PHACTR3: variants seen among roughly 807,000 people sequenced by gnomAD.
PHACTR3 encodes protein phosphatase 1, regulatory subunit 123.
PHACTR3 carries 16 observed loss-of-function variants against 66.8 expected under a neutral mutation model. That is an observed-to-expected ratio of 0.24 (90% CI 0.16 to 0.36). The LOEUF (loss-of-function observed/expected upper bound fraction) is 0.36. Among genes scored for constraint, PHACTR3 ranks in the 10% least tolerant of loss-of-function variants. The probability of loss-of-function intolerance (pLI) is 1.00; values close to 1 mark genes in which losing one functional copy is unlikely to be tolerated. For synonymous variants in PHACTR3, 323 were observed against 292.1 expected, an observed-to-expected ratio of 1.11 and a Z score of -1.08; for missense variants, 647 against 719.9, an observed-to-expected ratio of 0.90 and a Z score of 1.16.
At chr20:59,786,287 GC>G (rs2040911610) in intron 7 of PHACTR3, among the ~76,000 whole-genome samples, 1 of 152,246 alleles carries the variant, frequency 6.6e-6, no homozygotes, top group African/African-American at 2.4e-5. Flanking sequence ...AGTCTGTGGG[GC>G]TGGCACCTGC....
intron 1 of PHACTR3, among the ~76,000 whole-genome samples, chr20:59,657,257 TTGTGTGTG>T (rs112043545): frequency 1.2e-4 from 18 of 150,102 alleles, no homozygotes; most frequent in Admixed American, 3.3e-4. Context: ...TAGAAGTGTG[TTGTGTGTG>T]TGTGTGTGTG....
chr20:59,723,102 CTTT>C (rs2038404545), intron 1 of PHACTR3, among the ~76,000 whole-genome samples: 2 of 135,630 alleles, frequency 1.5e-5, no homozygotes, highest in Non-Finnish European at 3.2e-5. Flanking sequence ...TTCTTTCTTT[CTTT>C]CTTTCTTTCT....
chr20:59,606,303 T>TCCCC (rs5842274), intron 1 of PHACTR3, among the ~76,000 whole-genome samples: 1 of 151,034 alleles, frequency 6.6e-6, no homozygotes, highest in Admixed American at 6.6e-5. Context: ...ACTGGATCCC[T>TCCCC]CCCCCCCCCA....
chr20:59,641,490 A>T (rs1380319005), intron 1 of PHACTR3, among the ~76,000 whole-genome samples: 2 of 152,218 alleles, frequency 1.3e-5, no homozygotes, highest in African/African-American at 4.8e-5. Flanking sequence ...TCGAAGACAG[A>T]TAGAGAGAAT....
chr20:59,712,554 G>C (rs1031038573), intron 1 of PHACTR3, among the ~76,000 whole-genome samples: 1 of 152,050 alleles, frequency 6.6e-6, no homozygotes, highest in East Asian at 1.9e-4. Context: ...TAACTCTTCA[G>C]CTCACTGTGA....
At chr20:59,657,327 G>A (rs533477052) in intron 1 of PHACTR3, among the ~76,000 whole-genome samples, 113 of 151,900 alleles carry the variant, frequency 7.4e-4, no homozygotes, top group African/African-American at 2.6e-3. Context: ...TCAGTGAACA[G>A]AATAAAGCAG....
intron 8 of PHACTR3, chr20:59,836,236 A>C: frequency 2.4e-6 from 1 of 421,196 alleles, no homozygotes. Flanking sequence ...TTTGGGCGAC[A>C]GATCAGAAAA....
At chr20:59,618,328 T>A (rs2034108471) in intron 1 of PHACTR3, among the ~76,000 whole-genome samples, 1 of 151,066 alleles carries the variant, frequency 6.6e-6, no homozygotes, top group African/African-American at 2.4e-5. Context: ...GGGATGTGAG[T>A]GTGTGTGTGC....
At chr20:59,651,507 T>G (rs917416119) in intron 1 of PHACTR3, among the ~76,000 whole-genome samples, 1 of 152,182 alleles carries the variant, frequency 6.6e-6, no homozygotes. Flanking sequence ...TTTAGCAAAA[T>G]TACATAAATA....
chr20:59,635,153 C>CTTTCTT (rs1568948906), intron 1 of PHACTR3, among the ~76,000 whole-genome samples: 1,959 of 36,036 alleles, frequency 0.054, 29 homozygotes, highest in East Asian at 0.088. Context: ...CTTTCTTTTT[C>CTTTCTT]TTTCTTTCTT....
intron 8 of PHACTR3, among the ~76,000 whole-genome samples, chr20:59,813,085 G>A (rs1211928294): frequency 6.6e-6 from 1 of 152,190 alleles, no homozygotes; most frequent in African/African-American, 2.4e-5. Context: ...TTGTGTTAAT[G>A]AGGTGGTTAT....
At chr20:59,579,420 G>A (rs538644364) in intron 1 of PHACTR3, among the ~76,000 whole-genome samples, 2 of 152,340 alleles carry the variant, frequency 1.3e-5, no homozygotes, top group African/African-American at 4.8e-5. Flanking sequence ...TGATCTAGAT[G>A]CTGGGATGCT....
chr20:59,592,609 G>A (rs2033216709), intron 1 of PHACTR3, among the ~76,000 whole-genome samples: 1 of 152,124 alleles, frequency 6.6e-6, no homozygotes, highest in South Asian at 2.1e-4. Context: ...GTATCATACA[G>A]ATACTGCCCT....
chr20:59,802,738 GC>G (rs2041452439), intron 7 of PHACTR3, among the ~76,000 whole-genome samples: 1 of 152,214 alleles, frequency 6.6e-6, no homozygotes. Context: ...TTCCTCCTAA[GC>G]CCTGTCAGTT....
chr20:59,809,266 T>TA (rs2041663549), intron 8 of PHACTR3, among the ~76,000 whole-genome samples: 1 of 152,062 alleles, frequency 6.6e-6, no homozygotes, highest in African/African-American at 2.4e-5. Context: ...TTCCAGGTGT[T>TA]ACAGAGTTGT....
At chr20:59,597,848 G>A (rs1207980968) in intron 1 of PHACTR3, among the ~76,000 whole-genome samples, 9 of 152,218 alleles carry the variant, frequency 5.9e-5, no homozygotes, top group Admixed American at 5.2e-4. Flanking sequence ...AGAGCAGGAA[G>A]CAGGAATGCA....
chr20:59,834,418 G>A (rs986531225), intron 8 of PHACTR3, among the ~76,000 whole-genome samples: 4 of 152,190 alleles, frequency 2.6e-5, no homozygotes, highest in Non-Finnish European at 4.4e-5. Context: ...ATTCAGAAGC[G>A]AGCTAATGCT....
At chr20:59,636,771 C>A (rs2034914244) in intron 1 of PHACTR3, among the ~76,000 whole-genome samples, 1 of 152,120 alleles carries the variant, frequency 6.6e-6, no homozygotes, top group African/African-American at 2.4e-5. Flanking sequence ...GTACTATTAG[C>A]AATGATTATT....
chr20:59,585,076 G>A (rs772280017), intron 1 of PHACTR3, among the ~76,000 whole-genome samples: 1 of 152,198 alleles, frequency 6.6e-6, no homozygotes. Flanking sequence ...GCGGGGCCTC[G>A]GGTCCTTTCC....
Sources: gnomAD v4.1 joint callset for allele counts (sites outside exome capture counted in the v4.1 genomes callset) on GRCh38, gnomAD v4.1.1 for gene constraint, MANE v1.5 for transcripts, NCBI Gene and HGNC (gene_info 2026-07-23, HGNC 2026-07-21) for gene names.